NKAIN3: variants seen among roughly 807,000 people sequenced by gnomAD.
NKAIN3 encodes the protein sodium/potassium transporting ATPase interacting 3.
A neutral mutation model predicts 30.2 loss-of-function variants in NKAIN3; 25 were observed. That is an observed-to-expected ratio of 0.83 (90% CI 0.60 to 1.16). NKAIN3 has a LOEUF of 1.16. Ranked by LOEUF, NKAIN3 falls within the 50% of genes most tolerant of loss-of-function variation. The pLI, the probability that NKAIN3 is intolerant of heterozygous loss-of-function variation, is 0.00. For missense variants in NKAIN3, 225 were observed against 254.1 expected (o/e 0.89, Z 0.78); for synonymous variants, 91 against 89.6 (o/e 1.02, Z -0.09).
chr8:62,563,277 G>A (rs1217938095), intron 1 of NKAIN3, among the ~76,000 whole-genome samples: 2 of 152,136 alleles, frequency 1.3e-5, no homozygotes, highest in Non-Finnish European at 2.9e-5. Flanking sequence ...TTTGGCAGAG[G>A]AAGGATACTT....
intron 1 of NKAIN3, among the ~76,000 whole-genome samples, chr8:62,496,610 T>C (rs1443824539): frequency 6.6e-6 from 1 of 152,136 alleles, no homozygotes; most frequent in Non-Finnish European, 1.5e-5. Flanking sequence ...TATCATCCAT[T>C]TATTTATTTA....
intron 1 of NKAIN3, among the ~76,000 whole-genome samples, chr8:62,355,123 G>C (rs1816305322): frequency 6.6e-6 from 1 of 152,162 alleles, no homozygotes; most frequent in African/African-American, 2.4e-5. Flanking sequence ...GAGATTCATA[G>C]AGAATTATTT....
intron 3 of NKAIN3, among the ~76,000 whole-genome samples, chr8:62,733,745 C>T (rs1002412369): frequency 3.3e-5 from 5 of 152,190 alleles, no homozygotes; most frequent in African/African-American, 4.8e-5. Context: ...TCATTCTATT[C>T]TCCATGCCTA....
At position 62,968,284 on chromosome 8, in the gene NKAIN3, G is replaced by A. The variant is rs16929982; in HGVS notation, c.*2877G>A. Among the ~76,000 whole-genome samples the A allele has an allele frequency of 0.31, 46,431 of 152,056 alleles. 7,410 individuals are homozygous for A. The highest frequency in any genetic ancestry group is 0.39 in the African/African-American group (16,089 of 41,466). Reference sequence around the variant, plus strand: ...ACTTGGCAATTACCCGTTAATCTGGGTAATTCCAATGAAGTACTGTCACAG... The same window carrying A: ...ACTTGGCAATTACCCGTTAATCTGGATAATTCCAATGAAGTACTGTCACAG... On this transcript the variant is annotated 3_prime_UTR_variant, in exon 7 of 7. Coordinates refer to ENST00000623646, the MANE Select transcript of NKAIN3 (RefSeq NM_001304533.3).
At chr8:62,834,240 G>C (rs1819287766) in intron 4 of NKAIN3, among the ~76,000 whole-genome samples, 1 of 152,034 alleles carries the variant, frequency 6.6e-6, no homozygotes, top group South Asian at 2.1e-4. Flanking sequence ...GCAGAAGTTG[G>C]AAGCATGCCC....
At chr8:62,690,195 T>A (rs1813922057) in intron 3 of NKAIN3, among the ~76,000 whole-genome samples, 1 of 151,962 alleles carries the variant, frequency 6.6e-6, no homozygotes, top group Admixed American at 6.6e-5. Context: ...AGCAGGGCTG[T>A]GCACCAATCA....
At chr8:62,552,948 G>A (rs543425210) in intron 1 of NKAIN3, among the ~76,000 whole-genome samples, 1 of 152,268 alleles carries the variant, frequency 6.6e-6, no homozygotes, top group African/African-American at 2.4e-5. Flanking sequence ...ATGGAGAGAT[G>A]GCTATAAGAA....
intron 1 of NKAIN3, among the ~76,000 whole-genome samples, chr8:62,571,918 A>C (rs890126776): frequency 2.0e-5 from 3 of 152,136 alleles, no homozygotes; most frequent in Admixed American, 1.3e-4. Flanking sequence ...TTAGGCCTCC[A>C]GGCCTGTGAT....
chr8:62,721,139 T>A (rs984203169), intron 3 of NKAIN3, among the ~76,000 whole-genome samples: 1 of 152,182 alleles, frequency 6.6e-6, no homozygotes, highest in African/African-American at 2.4e-5. Context: ...GAGTAAAATA[T>A]CCCTGTAGCA....
intron 4 of NKAIN3, among the ~76,000 whole-genome samples, chr8:62,851,625 C>A (rs1819901033): frequency 6.6e-6 from 1 of 152,086 alleles, no homozygotes; most frequent in South Asian, 2.1e-4. Context: ...TTTTGAGGTA[C>A]ATCCCATCAA....
intron 1 of NKAIN3, among the ~76,000 whole-genome samples, chr8:62,427,951 A>G (rs1444518333): frequency 6.6e-6 from 1 of 151,408 alleles, no homozygotes; most frequent in Non-Finnish European, 1.5e-5. Context: ...CTTCTATCTA[A>G]CTGTATTTTT....
chr8:62,317,711 A>G (rs1254817263), intron 1 of NKAIN3, among the ~76,000 whole-genome samples: 1 of 152,088 alleles, frequency 6.6e-6, no homozygotes, highest in Non-Finnish European at 1.5e-5. Context: ...AGGTAGTGTG[A>G]ATGCCTCCAG....
At chr8:62,957,115 T>G (rs770415990) in intron 6 of NKAIN3, among the ~76,000 whole-genome samples, 20 of 151,014 alleles carry the variant, frequency 1.3e-4, no homozygotes, top group Non-Finnish European at 2.2e-4. Flanking sequence ...ACACAAAAAC[T>G]TACACACCGA....
At chr8:62,721,452 G>A (rs1163629342) in intron 3 of NKAIN3, among the ~76,000 whole-genome samples, 1 of 152,166 alleles carries the variant, frequency 6.6e-6, no homozygotes, top group African/African-American at 2.4e-5. Flanking sequence ...TCAGGCAACA[G>A]CTTCCTAGGC....
At chr8:62,563,507 A>G (rs1809653063) in intron 1 of NKAIN3, among the ~76,000 whole-genome samples, 2 of 152,158 alleles carry the variant, frequency 1.3e-5, no homozygotes, top group African/African-American at 4.8e-5. Context: ...CTTGAAAACA[A>G]GTATAAAAAC....
At chr8:62,300,525 T>A (rs920404073) in intron 1 of NKAIN3, among the ~76,000 whole-genome samples, 2 of 152,106 alleles carry the variant, frequency 1.3e-5, no homozygotes, top group Non-Finnish European at 2.9e-5. Context: ...ACCTTTAAAA[T>A]ATATTTTTCT....
intron 4 of NKAIN3, among the ~76,000 whole-genome samples, chr8:62,864,991 G>A (rs894321772): frequency 1.3e-5 from 2 of 152,180 alleles, no homozygotes; most frequent in African/African-American, 4.8e-5. Flanking sequence ...TTCTGGGGAA[G>A]ACTATTCCAG....
chr8:62,626,459 G>A (rs946198379), intron 3 of NKAIN3, among the ~76,000 whole-genome samples: 1 of 152,060 alleles, frequency 6.6e-6, no homozygotes, highest in African/African-American at 2.4e-5. Flanking sequence ...ATGAGGTCAT[G>A]GTTGTTTTCA....
At chr8:62,262,147 C>T (rs1321694776) in intron 1 of NKAIN3, among the ~76,000 whole-genome samples, 2 of 152,104 alleles carry the variant, frequency 1.3e-5, no homozygotes, top group African/African-American at 4.8e-5. Context: ...ATCCAGATGA[C>T]TTGAGTAGTA....
Sources: gnomAD v4.1 joint callset for allele counts (sites outside exome capture counted in the v4.1 genomes callset) on GRCh38, gnomAD v4.1.1 for gene constraint, MANE v1.5 for transcripts, NCBI Gene and HGNC (gene_info 2026-07-23, HGNC 2026-07-21) for gene names.